ST8SIA6: variants seen among roughly 807,000 people sequenced by gnomAD.
ST8SIA6 encodes the protein alpha-2,8-sialyltransferase 8F.
ST8SIA6 carries 39 observed loss-of-function variants against 33.6 expected under a neutral mutation model. The ratio of observed to expected loss-of-function variants is 1.16; its 90% CI spans 0.90 to 1.52. The LOEUF (loss-of-function observed/expected upper bound fraction) is 1.52, where lower values mean the gene tolerates loss of function less well. Among genes scored for constraint, ST8SIA6 ranks in the 40% most tolerant of loss-of-function variants. The pLI is 0.00. For missense variants in ST8SIA6, 441 were observed against 443.8 expected, an observed-to-expected ratio of 0.99 and a Z score of 0.06; for synonymous variants, 172 against 167.2, an observed-to-expected ratio of 1.03 and a Z score of -0.22.
At chr10:17,340,589 G>T (rs1173054542) in intron 4 of ST8SIA6, among the ~76,000 whole-genome samples, 1 of 152,118 alleles carries the variant, frequency 6.6e-6, no homozygotes, top group Non-Finnish European at 1.5e-5. Context: ...TCTCGCCATT[G>T]CTCCCTTCAT....
At chr10:17,424,105 C>CTTTT (rs112889595) in intron 2 of ST8SIA6, among the ~76,000 whole-genome samples, 2 of 140,492 alleles carry the variant, frequency 1.4e-5, no homozygotes, top group Admixed American at 7.2e-5. Context: ...TTTCCAAATT[C>CTTTT]TTTTTTTTTT....
chr10:17,364,171 C>T (rs971314991), intron 3 of ST8SIA6, among the ~76,000 whole-genome samples: 3 of 152,152 alleles, frequency 2.0e-5, no homozygotes, highest in Non-Finnish European at 4.4e-5. Flanking sequence ...TTAAAATTGC[C>T]ATCCATGGAC....
In ST8SIA6 at chr10:17,318,525, G is replaced by T; in HGVS notation, c.*2353C>A. ...GCCATTGCGCCTGGCCTAAAGGGCTGCTCTTGTCTAGTACCAGAACTCAGA... is the reference window on the plus strand; with the variant it reads ...GCCATTGCGCCTGGCCTAAAGGGCTTCTCTTGTCTAGTACCAGAACTCAGA... On this transcript the variant is annotated 3_prime_UTR_variant, in exon 8 of 8. Transcript: ENST00000377602. The T allele has an allele frequency of 2.7e-6, 1 of 376,998 alleles. No individual in the cohort carries two copies. The highest frequency in any genetic ancestry group is 2.1e-5 in the South Asian group (1 of 48,108). The allele number at this position is 376,998 out of a possible 1,614,324, so 23.4% of individuals were successfully genotyped here.
intron 2 of ST8SIA6, among the ~76,000 whole-genome samples, chr10:17,444,986 CAAAAAGCAAAGA>C (rs1852652478): frequency 6.6e-6 from 1 of 152,124 alleles, no homozygotes. Context: ...ATCATTACTT[CAAAAAGCAAAGA>C]CACAACAGTG....
chr10:17,398,884 C>T (rs892319288), intron 2 of ST8SIA6, among the ~76,000 whole-genome samples: 1 of 152,144 alleles, frequency 6.6e-6, no homozygotes, highest in Non-Finnish European at 1.5e-5. Context: ...TAGCTGTGCA[C>T]CAACTTCCAG....
intron 4 of ST8SIA6, among the ~76,000 whole-genome samples, chr10:17,357,116 A>G (rs1404181798): frequency 2.0e-5 from 3 of 149,180 alleles, no homozygotes; most frequent in African/African-American, 7.5e-5. Context: ...AAATGTTTCA[A>G]AGTTGGCCTT....
At chr10:17,322,879 A>G (rs988026747) in intron 7 of ST8SIA6, among the ~76,000 whole-genome samples, 186 bp downstream of exon 7, 12 of 152,158 alleles carry the variant, frequency 7.9e-5, no homozygotes, top group African/African-American at 1.2e-4. Flanking sequence ...CTGAATCATA[A>G]CTCTTAGGAA....
chr10:17,333,717 A>ATATATATATTT (rs1251981910), intron 4 of ST8SIA6, among the ~76,000 whole-genome samples: 1 of 33,768 alleles, frequency 3.0e-5, no homozygotes, highest in African/African-American at 1.7e-4. Flanking sequence ...ATATATATAT[A>ATATATATATTT]TTTTTTTTTT....
At chr10:17,393,580 C>T (rs1030920480) in intron 2 of ST8SIA6, among the ~76,000 whole-genome samples, 36 of 152,104 alleles carry the variant, frequency 2.4e-4, no homozygotes, top group African/African-American at 8.5e-4. Flanking sequence ...AAATGAGCCA[C>T]CCTCCTGTGT....
chr10:17,332,365 T>A (rs1588791243), intron 4 of ST8SIA6, among the ~76,000 whole-genome samples: 1 of 152,214 alleles, frequency 6.6e-6, no homozygotes, highest in African/African-American at 2.4e-5. Context: ...TGAGGAATAA[T>A]CATACTGTCT....
At chr10:17,417,893 A>G (rs1851653684) in intron 2 of ST8SIA6, among the ~76,000 whole-genome samples, 1 of 152,234 alleles carries the variant, frequency 6.6e-6, no homozygotes, top group Non-Finnish European at 1.5e-5. Flanking sequence ...TCAGTCAAAA[A>G]TAATAAAGTA....
chr10:17,416,619 C>T lies in ST8SIA6; in HGVS notation c.201-25999G>A, dbSNP rs547797817. On this transcript the variant is annotated intron_variant, in intron 2 of 7. Transcript: ENST00000377602. The stretch of plus-strand genomic sequence containing the variant: ...CTGTCCTTCTCTTCTCTCCTATACC[C>T]GGGCTTTTGACGATTCAGCCGTAAA... 8.5e-5 allele frequency among the ~76,000 whole-genome samples: 13 copies of T among 152,224 alleles called. No homozygotes were observed. The South Asian group carries it at 1.0e-3, about 12-fold the overall frequency.
intron 2 of ST8SIA6, among the ~76,000 whole-genome samples, chr10:17,392,622 G>T (rs1466166998): frequency 6.6e-6 from 1 of 152,162 alleles, no homozygotes; most frequent in East Asian, 1.9e-4. Flanking sequence ...GAGCCATGGG[G>T]TGATTGCAGA....
intron 4 of ST8SIA6, among the ~76,000 whole-genome samples, chr10:17,356,496 G>C (rs111888183): frequency 4.6e-5 from 7 of 151,176 alleles, no homozygotes; most frequent in Non-Finnish European, 1.0e-4. Context: ...TGATTCTCCC[G>C]CCTCAGTGAT....
In ST8SIA6 at chr10:17,408,584, C is replaced by T. The variant is rs141616455; in HGVS notation, c.201-17964G>A. Among the ~76,000 whole-genome samples the T allele has an allele frequency of 6.4e-3, 975 of 151,572 alleles. 10 individuals are homozygous for T. Among genetic ancestry groups the T allele is most frequent in the African/African-American group, 0.023 (933 of 41,326 alleles). On this transcript the variant is annotated intron_variant, in intron 2 of 7. Coordinates refer to ENST00000377602, the MANE Select transcript of ST8SIA6 (RefSeq NM_001004470.3). ...CTGAGAGAGGAGAATCGCTTGAACCCGGGAGGTGGAGGTTGCAGTGAGCCG... is the reference window on the plus strand; with the variant it reads ...CTGAGAGAGGAGAATCGCTTGAACCTGGGAGGTGGAGGTTGCAGTGAGCCG...
chr10:17,333,686 TATATATATATATATATATATATATATA>T (rs1848378064), intron 4 of ST8SIA6, among the ~76,000 whole-genome samples: 2 of 19,352 alleles, frequency 1.0e-4, no homozygotes, highest in African/African-American at 4.5e-4. Context: ...TATATATATA[TATATATATATATATATATATATATATA>T]TATATTTTTT....
chr10:17,392,037 A>C (rs989190580), intron 2 of ST8SIA6, among the ~76,000 whole-genome samples: 8 of 152,224 alleles, frequency 5.3e-5, no homozygotes, highest in African/African-American at 1.9e-4. Flanking sequence ...TTATTTCATC[A>C]TCCTGAAGGT....
intron 2 of ST8SIA6, among the ~76,000 whole-genome samples, chr10:17,451,880 A>T (rs1852924760): frequency 6.6e-6 from 1 of 152,234 alleles, no homozygotes; most frequent in Non-Finnish European, 1.5e-5. Flanking sequence ...TAGAAAGCTT[A>T]ATAAAATGGG....
intron 2 of ST8SIA6, among the ~76,000 whole-genome samples, chr10:17,452,648 A>C (rs910714530): frequency 2.0e-5 from 3 of 152,224 alleles, no homozygotes; most frequent in African/African-American, 7.2e-5. Context: ...ACAAGGATGC[A>C]TTTCATAGAA....
Sources: gnomAD v4.1 joint callset for allele counts (sites outside exome capture counted in the v4.1 genomes callset) on GRCh38, gnomAD v4.1.1 for gene constraint, MANE v1.5 for transcripts, NCBI Gene and HGNC (gene_info 2026-07-23, HGNC 2026-07-21) for gene names.